PLA2G4A: variants seen among roughly 807,000 people sequenced by gnomAD.
PLA2G4A encodes cytosolic phospholipase A2.
Under a neutral mutation model 81.9 loss-of-function variants are expected in PLA2G4A, and 40 were observed. The observed-to-expected ratio is 0.49, with a 90% confidence interval of 0.38 to 0.64. The LOEUF (loss-of-function observed/expected upper bound fraction) is 0.64. Ranked by LOEUF, PLA2G4A falls within the 30% of genes least tolerant of loss-of-function variation. The pLI is 0.00. For missense variants in PLA2G4A, 715 were observed against 905.1 expected (o/e 0.79, Z 2.69); for synonymous variants, 302 against 296.9 (o/e 1.02, Z -0.18).
At chr1:186,867,859 A>T (rs1256315000) in intron 2 of PLA2G4A, among the ~76,000 whole-genome samples, 2 of 152,056 alleles carry the variant, frequency 1.3e-5, no homozygotes, top group Non-Finnish European at 2.9e-5. Flanking sequence ...TATCAAGTTG[A>T]TAAAGCTCCC....
chr1:186,855,818 T>C (rs1191045195), intron 2 of PLA2G4A, among the ~76,000 whole-genome samples: 3 of 152,126 alleles, frequency 2.0e-5, no homozygotes, highest in Non-Finnish European at 2.9e-5. Context: ...CTACCATATA[T>C]GTGTGGCTTC....
intron 7 of PLA2G4A, among the ~76,000 whole-genome samples, chr1:186,917,321 G>C (rs1351773509): frequency 6.6e-6 from 1 of 152,090 alleles, no homozygotes; most frequent in African/African-American, 2.4e-5. Flanking sequence ...CCTAACTCTT[G>C]GGAAGTGCCT....
chr1:186,848,893 G>A (rs1021159187), intron 1 of PLA2G4A, among the ~76,000 whole-genome samples: 2 of 152,062 alleles, frequency 1.3e-5, no homozygotes, highest in African/African-American at 4.8e-5. Flanking sequence ...TACAGTAGTG[G>A]ATAATAGGTG....
chr1:186,976,471 T>A (rs550210097), intron 15 of PLA2G4A, among the ~76,000 whole-genome samples: 1 of 152,218 alleles, frequency 6.6e-6, no homozygotes, highest in African/African-American at 2.4e-5. Context: ...AGCACTGTTT[T>A]AAGCACTGTA....
intron 2 of PLA2G4A, among the ~76,000 whole-genome samples, chr1:186,858,144 A>G (rs190051820): frequency 6.8e-4 from 104 of 152,296 alleles, no homozygotes; most frequent in Admixed American, 1.6e-3. Context: ...GCTGGGCCAA[A>G]TGGTAATTCT....
At position 186,956,591 on chromosome 1, in the gene PLA2G4A, C is replaced by T. The variant is rs149776707; in HGVS notation, c.1579+247C>T. On this transcript the variant is annotated intron_variant, in intron 14 of 17. Transcript: ENST00000367466. Reference sequence around the variant, plus strand: ...GTGCAGTGGCACAATCATGGCTCACCGCATCCTTAATTCCTGGGCTGCAGC... The same window carrying T: ...GTGCAGTGGCACAATCATGGCTCACTGCATCCTTAATTCCTGGGCTGCAGC... Among the ~76,000 whole-genome samples the T allele has an allele frequency of 9.9e-5, 15 of 152,122 alleles. No homozygotes were observed. The East Asian group carries it at 2.1e-3, about 22-fold the overall frequency.
At chr1:186,855,306 ACT>A (rs1225816537) in intron 2 of PLA2G4A, among the ~76,000 whole-genome samples, 3 of 145,668 alleles carry the variant, frequency 2.1e-5, no homozygotes, top group Admixed American at 6.8e-5. Context: ...TTTTCTTGAA[ACT>A]CTTCTCAGAT....
intron 1 of PLA2G4A, among the ~76,000 whole-genome samples, chr1:186,853,066 T>C (rs1652430482): frequency 6.6e-6 from 1 of 151,958 alleles, no homozygotes; most frequent in South Asian, 2.1e-4. Flanking sequence ...ATTTTTTTTC[T>C]TGTTGGTACA....
chr1:186,975,580 A>G (rs926726055), intron 15 of PLA2G4A, among the ~76,000 whole-genome samples: 1 of 152,210 alleles, frequency 6.6e-6, no homozygotes, highest in Admixed American at 6.5e-5. Context: ...TATTAGCTTT[A>G]TTTTACAGAG....
intron 3 of PLA2G4A, among the ~76,000 whole-genome samples, chr1:186,876,919 C>T (rs1328706631): frequency 1.3e-5 from 2 of 152,052 alleles, no homozygotes; most frequent in Non-Finnish European, 2.9e-5. Context: ...TGTAGGGCGA[C>T]CTGCTTAATC....
At chr1:186,933,693 C>T (rs1020148329) in intron 8 of PLA2G4A, among the ~76,000 whole-genome samples, 2 of 152,054 alleles carry the variant, frequency 1.3e-5, no homozygotes, top group Admixed American at 1.3e-4. Context: ...ATCAGAATAT[C>T]GTATTATATA....
chr1:186,918,993 T>C (rs1655249133), intron 7 of PLA2G4A, among the ~76,000 whole-genome samples: 2 of 152,240 alleles, frequency 1.3e-5, no homozygotes, highest in Non-Finnish European at 2.9e-5. Flanking sequence ...TTTTGAGAGA[T>C]AGGCCACTGG....
chr1:186,900,125 A>T (rs1654484074), intron 5 of PLA2G4A, among the ~76,000 whole-genome samples: 1 of 152,128 alleles, frequency 6.6e-6, no homozygotes, highest in African/African-American at 2.4e-5. Flanking sequence ...TGTTTGAGAG[A>T]TGCTGGCACA....
chr1:186,914,525 A>AG (rs1188792032), intron 7 of PLA2G4A, among the ~76,000 whole-genome samples: 2 of 152,074 alleles, frequency 1.3e-5, no homozygotes, highest in Admixed American at 1.3e-4. Context: ...CACAACTCTA[A>AG]GGGGGTCAGC....
intron 7 of PLA2G4A, among the ~76,000 whole-genome samples, chr1:186,920,736 C>G (rs1483420490): frequency 6.6e-6 from 1 of 152,234 alleles, no homozygotes; most frequent in Non-Finnish European, 1.5e-5. Flanking sequence ...CCTCTCCTTT[C>G]AGGGGAATTC....
At chr1:186,964,922 A>T (rs913630469) in intron 14 of PLA2G4A, among the ~76,000 whole-genome samples, 2 of 152,164 alleles carry the variant, frequency 1.3e-5, no homozygotes, top group African/African-American at 2.4e-5. Context: ...CAGCCTGGGA[A>T]CCATACAGAG....
rs763310125 is a variant in PLA2G4A at position 186,911,252 on chromosome 1, T to C, written c.421T>C (p.Cys141Arg). The change falls in exon 7 of 18, where the codon TGC becomes CGC. Residue 141 changes from cysteine (C) to arginine (R), a missense_variant. Physicochemically the swap from Cys to Arg is radical, Grantham distance 180 (BLOSUM62 -3). Transcript: ENST00000367466. The part of the protein sequence containing the change: ...VLEMSLEVCS[C>R]PDLRFSMALC... The stretch of plus-strand genomic sequence containing the variant: ...TTTATCTGTTTGGTATTACAGCTCA[T>C]GCCCAGACCTACGATTTAGTATGGC... The C allele has an allele frequency of 6.2e-7, 1 of 1,613,212 alleles. No homozygotes were observed. The highest frequency in any genetic ancestry group is 8.5e-7 in the Non-Finnish European group (1 of 1,179,310).
intron 13 of PLA2G4A, among the ~76,000 whole-genome samples, chr1:186,953,711 A>G (rs1656646089): frequency 6.6e-6 from 1 of 152,216 alleles, no homozygotes; most frequent in Non-Finnish European, 1.5e-5. Flanking sequence ...ATAGAAATGT[A>G]CTATTACTGT....
At position 186,939,074 on chromosome 1, in the gene PLA2G4A, A is replaced by G; in HGVS notation, c.762A>G (p.Glu254=). 1.9e-6 allele frequency: 3 copies of G among 1,611,644 alleles called. No homozygotes were observed. In the South Asian group the frequency reaches 3.3e-5, roughly 18 times the overall value. The part of the protein sequence containing the change: ...PEKGPEEINE[E]LMKNVSHNPL... ...AAGGGCCAGAGGAGATTAATGAAGAACTAATGAAAAATGTTAGCCACAATC... is the reference window on the plus strand; with the variant it reads ...AAGGGCCAGAGGAGATTAATGAAGAGCTAATGAAAAATGTTAGCCACAATC... Residue 254 remains glutamate, a synonymous_variant, in exon 9 of 18, where the codon GAA becomes GAG. Coordinates refer to ENST00000367466, the MANE Select transcript of PLA2G4A (RefSeq NM_024420.3).
Sources: gnomAD v4.1 joint callset for allele counts (sites outside exome capture counted in the v4.1 genomes callset) on GRCh38, gnomAD v4.1.1 for gene constraint, MANE v1.5 for transcripts, NCBI Gene and HGNC (gene_info 2026-07-23, HGNC 2026-07-21) for gene names.